CFTR: variants seen among roughly 807,000 people sequenced by gnomAD.
CFTR encodes cystic fibrosis transmembrane conductance regulator.
CFTR carries 181 observed loss-of-function variants against 171.6 expected under a neutral mutation model. The ratio of observed to expected loss-of-function variants is 1.05; its 90% confidence interval spans 0.93 to 1.19. The LOEUF is 1.19. Among genes scored for constraint, CFTR ranks in the 50% most tolerant of loss-of-function variants. The pLI, the probability that CFTR is intolerant of heterozygous loss-of-function variation, is 0.00. For missense variants in CFTR, 1,968 were observed against 1,734.7 expected, an observed-to-expected ratio of 1.13 and a Z score of -2.39; for synonymous variants, 583 against 608.0, an observed-to-expected ratio of 0.96 and a Z score of 0.60.
chr7:117,647,325 A>G (rs1387872497), intron 23 of CFTR: 1 of 152,138 alleles, frequency 6.6e-6, no homozygotes, highest in Non-Finnish European at 1.5e-5. Context: ...GGTAATTTAT[A>G]AAGAAAATAA....
chr7:117,611,873 G>T, intron 20 of CFTR, 65 bp downstream of exon 20: 1 of 1,073,190 alleles, frequency 9.3e-7, no homozygotes, highest in Non-Finnish European at 1.4e-6. Flanking sequence ...ATAAAATGCT[G>T]CATTCTATAG....
chr7:117,511,943 A>G (rs1036595517), intron 3 of CFTR, among the ~76,000 whole-genome samples: 6 of 152,062 alleles, frequency 3.9e-5, no homozygotes, highest in Non-Finnish European at 7.4e-5. Flanking sequence ...CTTCCTATTT[A>G]TGGTATTATT....
chr7:117,572,508 G>A (rs1210841667), intron 11 of CFTR, among the ~76,000 whole-genome samples: 1 of 152,092 alleles, frequency 6.6e-6, no homozygotes, highest in East Asian at 1.9e-4. Flanking sequence ...GAATTATGTT[G>A]ATAGATATCA....
chr7:117,634,188 A>G (rs777070760), intron 22 of CFTR, among the ~76,000 whole-genome samples: 27 of 152,038 alleles, frequency 1.8e-4, no homozygotes, highest in East Asian at 3.9e-4. Flanking sequence ...CAGATTACCT[A>G]TTTTTTCTCA....
chr7:117,617,781 TC>T (rs1246674781), intron 21 of CFTR, among the ~76,000 whole-genome samples: 1 of 152,228 alleles, frequency 6.6e-6, no homozygotes, highest in East Asian at 1.9e-4. Context: ...TCCCTTGATC[TC>T]CAGCTACTAC....
At chr7:117,572,446 C>A (rs1042566213) in intron 11 of CFTR, among the ~76,000 whole-genome samples, 10 of 152,096 alleles carry the variant, frequency 6.6e-5, no homozygotes, top group African/African-American at 2.4e-4. Context: ...AAAAACAGAA[C>A]CCCAATTTTA....
chr7:117,618,905 C>T (rs1008505843), intron 21 of CFTR, among the ~76,000 whole-genome samples: 3 of 152,130 alleles, frequency 2.0e-5, no homozygotes, highest in Non-Finnish European at 4.4e-5. Context: ...TATTGGAACA[C>T]CCCATGTTAG....
At chr7:117,532,328 C>T (rs555061577) in intron 4 of CFTR, among the ~76,000 whole-genome samples, 1 of 152,224 alleles carries the variant, frequency 6.6e-6, no homozygotes, top group African/African-American at 2.4e-5. Context: ...GATAATAGCT[C>T]AGGATGTGCA....
At chr7:117,491,358 C>G (rs969204165) in intron 1 of CFTR, among the ~76,000 whole-genome samples, 1 of 152,008 alleles carries the variant, frequency 6.6e-6, no homozygotes, top group African/African-American at 2.4e-5. Context: ...GTGCATCATC[C>G]TAACGTGGAA....
intron 18 of CFTR, among the ~76,000 whole-genome samples, chr7:117,608,004 C>T (rs912310365): frequency 1.3e-5 from 2 of 152,106 alleles, no homozygotes; most frequent in Non-Finnish European, 2.9e-5. Flanking sequence ...ATTATTACAT[C>T]AGATAAAAAC....
At chr7:117,653,065 A>G in intron 24 of CFTR, 134 bp downstream of exon 24, 1 of 703,820 alleles carries the variant, frequency 1.4e-6, no homozygotes, top group South Asian at 1.5e-5. Flanking sequence ...GTACCCTAAC[A>G]TACCTGGAGC....
At chr7:117,649,062 A>G (rs1237293115) in intron 23 of CFTR, among the ~76,000 whole-genome samples, 7 of 152,036 alleles carry the variant, frequency 4.6e-5, no homozygotes, top group Non-Finnish European at 8.8e-5. Context: ...TGTTGAATAT[A>G]TGTGTATCTA....
chr7:117,552,723 A>T (rs1481478049), intron 10 of CFTR, among the ~76,000 whole-genome samples: 1 of 152,086 alleles, frequency 6.6e-6, no homozygotes, highest in African/African-American at 2.4e-5. Flanking sequence ...TAATCAATAT[A>T]CATTTTTTAT....
At chr7:117,506,938 C>A (rs182785459) in intron 2 of CFTR, among the ~76,000 whole-genome samples, 2 of 152,122 alleles carry the variant, frequency 1.3e-5, no homozygotes, top group Non-Finnish European at 1.5e-5. Context: ...TGGGAAGTGA[C>A]CCTGGCTTCA....
At chr7:117,649,112 A>C (rs1029517035) in intron 23 of CFTR, among the ~76,000 whole-genome samples, 3 of 151,888 alleles carry the variant, frequency 2.0e-5, no homozygotes, top group African/African-American at 7.2e-5. Context: ...ACTTTGATAG[A>C]TATTTTATAT....
intron 11 of CFTR, among the ~76,000 whole-genome samples, chr7:117,584,352 G>A (rs1050500645): frequency 2.4e-4 from 36 of 152,234 alleles, no homozygotes; most frequent in Non-Finnish European, 5.1e-4. Flanking sequence ...TTTTGTATAA[G>A]GTGAGCATTG....
At position 117,535,525 on chromosome 7, in the gene CFTR, A is replaced by ATTTT. The variant is rs764945997; in HGVS notation, c.743+133_743+136dup. 5,884 of 499,498 alleles carry ATTTT rather than the reference A, an allele frequency of 0.012. 488 individuals are homozygous for ATTTT. In the African/African-American group the frequency reaches 0.14, roughly 12 times the overall value. 30.9% of individuals were successfully genotyped at this position (499,498 alleles called of 1,614,324 possible). On this transcript the variant is annotated intron_variant, in intron 6 of 26. Transcript: ENST00000003084. ...GAACAGTGATCTTCAGTGTCATTAA[A>ATTTT]TTTTTTTTTTTTTTTTTTTTTTGAG...
chr7:117,594,743 G>T (rs2116038854), intron 14 of CFTR, among the ~76,000 whole-genome samples, 187 bp from the exon 15 acceptor site: 1 of 152,220 alleles, frequency 6.6e-6, no homozygotes, highest in Admixed American at 6.5e-5. Flanking sequence ...AAGCTGTGTT[G>T]CTCCAGTAGA....
chr7:117,500,987 A>G (rs1798317081), intron 1 of CFTR, among the ~76,000 whole-genome samples: 1 of 152,224 alleles, frequency 6.6e-6, no homozygotes, highest in Non-Finnish European at 1.5e-5. Flanking sequence ...TGAACTGGCC[A>G]TTTATGGGAA....
Sources: allele counts gnomAD v4.1 joint callset (sites outside exome capture counted in the v4.1 genomes callset), GRCh38; gene constraint gnomAD v4.1.1; transcripts MANE v1.5; gene names NCBI Gene and HGNC (gene_info 2026-07-23, HGNC 2026-07-21).